Variants in NCAN observed in about 807,000 individuals in gnomAD.
NCAN encodes the protein neurocan core protein.
In NCAN, 47 loss-of-function variants were observed where a neutral mutation model predicts 121.8. The observed-to-expected ratio is 0.39, with a 90% CI of 0.31 to 0.49. The LOEUF (loss-of-function observed/expected upper bound fraction) is 0.49, where lower values mean the gene tolerates loss of function less well. NCAN is among the 20% of genes least tolerant of loss of function. The probability of loss-of-function intolerance (pLI) is 0.92; values close to 1 mark genes in which losing one functional copy is unlikely to be tolerated. For missense variants in NCAN, 1,517 were observed against 1,773.4 expected, an observed-to-expected ratio of 0.86 and a Z score of 2.60; for synonymous variants, 633 against 702.0, an observed-to-expected ratio of 0.90 and a Z score of 1.55.
At chr19:19,219,672 C>CAAAAAAAAAAA (rs56231208) in intron 3 of NCAN, among the ~76,000 whole-genome samples, 1 of 49,250 alleles carries the variant, frequency 2.0e-5, no homozygotes, top group Non-Finnish European at 3.3e-5. Flanking sequence ...GACCCTGTCA[C>CAAAAAAAAAAA]AAAAAAAAAA....
At chr19:19,242,654 A>G (rs532478719) in intron 12 of NCAN, among the ~76,000 whole-genome samples, 6 of 152,184 alleles carry the variant, frequency 3.9e-5, no homozygotes, top group Non-Finnish European at 7.3e-5. Flanking sequence ...GCGTCACTGC[A>G]CTCCAGCCTG....
chr19:19,223,071 T>G (rs1408128775), intron 3 of NCAN, among the ~76,000 whole-genome samples: 6 of 151,966 alleles, frequency 3.9e-5, no homozygotes, highest in African/African-American at 1.2e-4. Flanking sequence ...ATCGCGCCAC[T>G]GCACTGCAGC....
chr19:19,212,387 G>A lies in NCAN; in HGVS notation c.-8+323G>A, dbSNP rs994460020. Among the ~76,000 whole-genome samples, 1 of 152,054 alleles carries A rather than the reference G, an allele frequency of 6.6e-6. No individual in the cohort carries two copies. The highest frequency in any genetic ancestry group is 2.4e-5 in the African/African-American group (1 of 41,412). ...CAGGGCTAGGGGAGGGGCCCCCCGA[G>A]TTTGGAGGGAAGAAGAGGACACCCA... On this transcript the variant is annotated intron_variant, in intron 1 of 14. Coordinates refer to ENST00000252575, the MANE Select transcript of NCAN (RefSeq NM_004386.3). This position sits in a 1 kb window ranked among gnomAD's most constrained non-coding sequence, Gnocchi z 4.5.
intron 10 of NCAN, 148 bp downstream of exon 10, chr19:19,235,244 C>T (rs930756070): frequency 3.5e-5 from 18 of 515,076 alleles, no homozygotes; most frequent in East Asian, 3.3e-4. Context: ...ACAAACTGTG[C>T]GTAACATAGA....
chr19:19,232,469 C>T (rs2060863938), intron 8 of NCAN, among the ~76,000 whole-genome samples: 1 of 152,242 alleles, frequency 6.6e-6, no homozygotes, highest in African/African-American at 2.4e-5. Context: ...ACAGGCCCTG[C>T]CATCCACAAG....
At chr19:19,230,883 C>CTCTGTGTGTGTG in intron 8 of NCAN, among the ~76,000 whole-genome samples, 1 of 121,838 alleles carries the variant, frequency 8.2e-6, no homozygotes, top group South Asian at 2.9e-4. Context: ...CCACACCCGG[C>CTCTGTGTGTGTG]TGTGTGTGTG....
rs927666518 is a variant in NCAN at position 19,212,344 on chromosome 19, G to T, written c.-8+280G>T. ...GGCTGGGGGTGGGTCTCAGGGTTGA[G>T]GAGGGAGCAATGGGAAACAGGGCTA... On this transcript the variant is annotated intron_variant, in intron 1 of 14. Transcript: ENST00000252575. This position sits in a 1 kb window ranked among gnomAD's most constrained non-coding sequence, Gnocchi z 4.5. Among the ~76,000 whole-genome samples, 1 of 152,156 alleles carries T rather than the reference G, an allele frequency of 6.6e-6. No homozygotes were observed. Among genetic ancestry groups the T allele is most frequent in the African/African-American group, 2.4e-5 (1 of 41,424 alleles).
intron 10 of NCAN, 65 bp downstream of exon 10, chr19:19,235,161 T>C: frequency 1.0e-6 from 1 of 1,002,246 alleles, no homozygotes; most frequent in South Asian, 1.4e-5. Context: ...GCCACAGGCT[T>C]CCCCACATAC....
At chr19:19,241,482 T>A (rs956316680) in intron 12 of NCAN, among the ~76,000 whole-genome samples, 1 of 151,840 alleles carries the variant, frequency 6.6e-6, no homozygotes, top group African/African-American at 2.4e-5. Flanking sequence ...AGACTCTCCA[T>A]TGTTCTCAAG....
chr19:19,223,287 GGGCATGAA>G (rs1164004192), intron 3 of NCAN, among the ~76,000 whole-genome samples: 1 of 151,962 alleles, frequency 6.6e-6, no homozygotes, highest in Non-Finnish European at 1.5e-5. Flanking sequence ...GCCTAACCCT[GGGCATGAA>G]GAGTGCTATC....
chr19:19,240,744 C>T (rs2060900482), intron 12 of NCAN, 59 bp downstream of exon 12: 1 of 1,538,506 alleles, frequency 6.5e-7, no homozygotes, highest in Non-Finnish European at 9.0e-7. Context: ...GCCATCTGGC[C>T]TCAGTTTACC....
At chr19:19,223,899 T>G in intron 3 of NCAN, 122 bp from the exon 4 acceptor site, 1 of 991,276 alleles carries the variant, frequency 1.0e-6, no homozygotes, top group Non-Finnish European at 1.4e-6. Context: ...ACCCACACTG[T>G]GCCTGGCGCT....
intron 1 of NCAN, among the ~76,000 whole-genome samples, chr19:19,213,452 C>T (rs966677452): frequency 5.3e-5 from 7 of 132,662 alleles, no homozygotes; most frequent in African/African-American, 2.0e-4. Context: ...CTGGCATCGC[C>T]GTGTGAGTGA....
At chr19:19,238,158 G>T (rs1308731415) in intron 10 of NCAN, 95 bp from the exon 11 acceptor site, 5 of 1,538,300 alleles carry the variant, frequency 3.3e-6, no homozygotes, top group Admixed American at 1.7e-5. Flanking sequence ...AGTGACCTTG[G>T]ATTGGGCCCT....
At chr19:19,249,341 G>A (rs566073087) in intron 14 of NCAN, among the ~76,000 whole-genome samples, 1 of 151,926 alleles carries the variant, frequency 6.6e-6, no homozygotes, top group South Asian at 2.1e-4. Flanking sequence ...AAAGTGCTGG[G>A]ATTACAGGCG....
rs2060826624 is a variant in NCAN, at chr19:19,224,199, A to AG, written c.650+9dup. On this transcript the variant is annotated splice_donor_region_variant and intron_variant, in intron 4 of 14. Transcript: ENST00000252575. ...GGCTCTCTGACCGCACTGTTCGGTG[A>AG]GGGGGATACACAGGGCAGGGAGATG... 3.2e-6 allele frequency: 5 copies of AG among 1,587,074 alleles called. No individual in the cohort carries two copies. In the East Asian group the frequency reaches 9.0e-5, roughly 29 times the overall value.
At chr19:19,219,669 T>G (rs1456313482) in intron 3 of NCAN, among the ~76,000 whole-genome samples, 2 of 320 alleles carry the variant, frequency 6.3e-3, no homozygotes, top group African/African-American at 0.012. Flanking sequence ...GGAGACCCTG[T>G]CACAAAAAAA....
rs767588708 is a variant in NCAN at position 19,227,881 on chromosome 19, C to G, written c.2261C>G (p.Pro754Arg). The G allele has an allele frequency of 6.2e-7, 1 of 1,613,694 alleles. No individual in the cohort carries two copies. The highest frequency in any genetic ancestry group is 1.1e-5 in the South Asian group (1 of 91,080). Residue 754 changes from proline (P) to arginine (R), a missense_variant, in exon 8 of 15, where the codon CCG becomes CGG. Transcript: ENST00000252575. This position sits in a 1 kb window ranked among gnomAD's most constrained non-coding sequence, Gnocchi z 4.2. The stretch of plus-strand genomic sequence containing the variant: ...GAGCCAACGGGCCTCAGGGGTATCC[C>G]GGGGTCTGAGTCTGGGGTCTTCGAC... ...ATEPTGLRGI[P>R]GSESGVFDTA... is the part of the protein sequence containing the mutation.
Position 19,218,248 on chromosome 19 carries a change from A to G in NCAN, c.74-667A>G, listed in dbSNP as rs376459716. ...AGCTGAGATCATGCCACTGCACTCCAGCCTGGGAGATGGAGCGAGACTCCA... is the reference window on the plus strand; with the variant it reads ...AGCTGAGATCATGCCACTGCACTCCGGCCTGGGAGATGGAGCGAGACTCCA... On this transcript the variant is annotated intron_variant, in intron 2 of 14. Coordinates refer to ENST00000252575, the MANE Select transcript of NCAN (RefSeq NM_004386.3). 7.9e-5 allele frequency among the ~76,000 whole-genome samples: 12 copies of G among 152,162 alleles called. No individual in the cohort carries two copies. The East Asian group carries it at 1.9e-3, about 25-fold the overall frequency.
Sources: allele counts gnomAD v4.1 joint callset (sites outside exome capture counted in the v4.1 genomes callset), GRCh38; gene constraint gnomAD v4.1.1; non-coding constraint Gnocchi (gnomAD v3.1); transcripts MANE v1.5; gene names NCBI Gene and HGNC (gene_info 2026-07-23, HGNC 2026-07-21).